SYTL2: variants seen among roughly 807,000 people sequenced by gnomAD.
SYTL2 encodes the protein synaptotagmin like 2.
SYTL2 carries 165 observed loss-of-function variants against 198.7 expected under a neutral mutation model. The ratio of observed to expected loss-of-function variants is 0.83; its 90% CI spans 0.73 to 0.94. The LOEUF is 0.94. SYTL2 is among the 40% of genes least tolerant of loss of function. The pLI is 0.00. For missense variants in SYTL2, 2,835 were observed against 2,582.8 expected, an observed-to-expected ratio of 1.10 and a Z score of -2.12; for synonymous variants, 966 against 917.7, an observed-to-expected ratio of 1.05 and a Z score of -0.95.
intron 7 of SYTL2, among the ~76,000 whole-genome samples, chr11:85,729,062 C>G (rs2089535841): frequency 6.6e-6 from 1 of 152,118 alleles, no homozygotes; most frequent in South Asian, 2.1e-4. Flanking sequence ...TATATGCACC[C>G]AATACAGGAG....
At chr11:85,811,349 C>T (rs2153667421), upstream of SYTL2, among the ~76,000 whole-genome samples, 1 of 152,168 alleles carries the variant, frequency 6.6e-6, no homozygotes, top group South Asian at 2.1e-4. Flanking sequence ...CCGCCTGCTG[C>T]TTCTCTCCGG....
At chr11:85,823,961 G>T in the SYTL2 span, among the ~76,000 whole-genome samples, 1 of 152,206 alleles carries the variant, frequency 6.6e-6, no homozygotes, top group African/African-American at 2.4e-5. Context: ...AACAATTCTG[G>T]GACTTGCAAA....
the SYTL2 span, among the ~76,000 whole-genome samples, chr11:85,850,303 G>A: frequency 6.6e-6 from 1 of 151,670 alleles, no homozygotes; most frequent in Non-Finnish European, 1.5e-5. Context: ...TAATTGCCCT[G>A]GCCAGAACTT....
At chr11:85,720,817 C>T (rs772128115) in intron 9 of SYTL2, 41 bp downstream of exon 9, 1 of 1,434,154 alleles carries the variant, frequency 7.0e-7, no homozygotes, top group Non-Finnish European at 9.8e-7. Flanking sequence ...CATTTTTAAG[C>T]TTAGATGGGG....
At chr11:85,815,488 T>C (rs986289266), upstream of SYTL2, among the ~76,000 whole-genome samples, 1 of 152,244 alleles carries the variant, frequency 6.6e-6, no homozygotes, top group African/African-American at 2.4e-5. Context: ...ACTTTGGCCT[T>C]GAATCAAATT....
intron 1 of SYTL2, among the ~76,000 whole-genome samples, chr11:85,808,062 C>CATG (rs993822552): frequency 6.6e-6 from 1 of 151,426 alleles, no homozygotes; most frequent in Non-Finnish European, 1.5e-5. Context: ...GTATTTATAT[C>CATG]ATTATTATTA....
At position 85,734,080 on chromosome 11, in the gene SYTL2, G is replaced by C; in HGVS notation, c.1249C>G (p.Pro417Ala). ...THQPMTSGSF[P>A]INGLHSHSEV... ...GAATGAGAATGCAGCCCATTAATTG[G>C]AAAAGAACCAGAAGTCATTGGCTGA... The change falls in exon 7 of 20, where the codon CCA becomes GCA. Residue 417 changes from proline (P) to alanine (A), a missense_variant. By Grantham distance (27) the Pro-to-Ala change is conservative. Around this residue, in one of 3 missense-constraint regions of SYTL2, gnomAD observed 2,645 missense variants for 2,381.7 expected, o/e 1.11. Coordinates refer to ENST00000359152, the MANE Select transcript of SYTL2 (RefSeq NM_206927.4). 2 of 1,614,194 alleles carry C rather than the reference G, an allele frequency of 1.2e-6. No individual in the cohort carries two copies. The highest frequency in any genetic ancestry group is 1.7e-6 in the Non-Finnish European group (2 of 1,180,020).
In SYTL2 at chr11:85,763,953, C is replaced by G. The variant is rs538133726; in HGVS notation, c.-389-5839G>C. Reference sequence around the variant, plus strand: ...AATCAGAGACTCTTTGCTCACCTCCCTCTCAGCAGAAAGATTTCCCTCCAG... The same window carrying G: ...AATCAGAGACTCTTTGCTCACCTCCGTCTCAGCAGAAAGATTTCCCTCCAG... On this transcript the variant is annotated intron_variant, in intron 1 of 19. Transcript: ENST00000359152. Among the ~76,000 whole-genome samples the G allele has an allele frequency of 3.3e-5, 5 of 152,346 alleles. No homozygotes were observed. In the East Asian group the frequency reaches 9.6e-4, roughly 29 times the overall value.
At chr11:85,751,095 T>A (rs773170848) in intron 2 of SYTL2, among the ~76,000 whole-genome samples, 26 of 152,206 alleles carry the variant, frequency 1.7e-4, no homozygotes, top group Non-Finnish European at 3.1e-4. Flanking sequence ...CTACAAAGGC[T>A]GATAGCCATT....
rs759238299 is a variant in SYTL2, at chr11:85,734,244, G to C, written c.1085C>G (p.Ser362Cys). The C allele has an allele frequency of 5.6e-6, 9 of 1,614,088 alleles. No individual in the cohort carries two copies. Among genetic ancestry groups the C allele is most frequent in the Non-Finnish European group, 7.6e-6 (9 of 1,180,032 alleles). ...REVGEFSVLE[S>C]DRLKNGMEDA... ...TTCCATTCCATTTTTCAATCTGTCA[G>C]ATTCTAAAACACTAAATTCTCCTAC... Residue 362 changes from serine to cysteine, a missense_variant, in exon 7 of 20, where the codon TCT (serine) becomes TGT (cysteine). Ser to Cys is a moderately radical substitution (Grantham distance 112). This residue lies in a region of SYTL2 where 2,645 missense variants were observed against 2,381.7 expected (regional missense o/e 1.11). Coordinates refer to ENST00000359152, the MANE Select transcript of SYTL2 (RefSeq NM_206927.4).
At chr11:85,760,988 T>C (rs1191091893) in intron 1 of SYTL2, among the ~76,000 whole-genome samples, 1 of 152,110 alleles carries the variant, frequency 6.6e-6, no homozygotes, top group Non-Finnish European at 1.5e-5. Context: ...CTCCTAATAT[T>C]CTGGATGATG....
At chr11:85,818,606 C>T in the SYTL2 span, among the ~76,000 whole-genome samples, 17 of 152,010 alleles carry the variant, frequency 1.1e-4, no homozygotes, top group African/African-American at 3.9e-4. Flanking sequence ...AAAAAAATAT[C>T]CACTTGCCTA....
intron 1 of SYTL2, among the ~76,000 whole-genome samples, chr11:85,786,247 T>TG (rs2092633809): frequency 6.6e-6 from 1 of 152,086 alleles, no homozygotes; most frequent in African/African-American, 2.4e-5. Context: ...GGGTTAGGGA[T>TG]GGGGGCTGTG....
upstream of SYTL2, among the ~76,000 whole-genome samples, chr11:85,813,075 T>C (rs2153668541): frequency 6.6e-6 from 1 of 152,198 alleles, no homozygotes; most frequent in South Asian, 2.1e-4. Context: ...TGGAAACAAA[T>C]AGCAATGCCT....
chr11:85,791,140 C>T (rs1489350975), intron 1 of SYTL2, among the ~76,000 whole-genome samples: 1 of 114,344 alleles, frequency 8.7e-6, no homozygotes, highest in African/African-American at 3.2e-5. Flanking sequence ...GCACTCCAGC[C>T]TGGGCAGCAG....
intron 7 of SYTL2, among the ~76,000 whole-genome samples, chr11:85,729,160 T>G (rs2089549003): frequency 6.6e-6 from 1 of 152,200 alleles, no homozygotes; most frequent in South Asian, 2.1e-4. Flanking sequence ...AACACCCCAC[T>G]GTCAATATTA....
rs139794100 is a variant in SYTL2 at position 85,724,546 on chromosome 11, G to A, written c.4812C>T (p.Phe1604=). The stretch of plus-strand genomic sequence containing the variant: ...TGTAAAAATGGGGCACTGTCCCCAA[G>A]AACCTGGTCTGCTCTGACTGTGAGG... ...KESSQSEQTR[F]LGTVPHFYRA... is the part of the protein sequence containing the mutation. Residue 1604 remains phenylalanine (F), a synonymous_variant, in exon 8 of 20, where the codon TTC becomes TTT. Transcript: ENST00000359152. 2.6e-5 allele frequency: 42 copies of A among 1,613,912 alleles called. No individual in the cohort carries two copies. Among genetic ancestry groups the A allele is most frequent in the Non-Finnish European group, 3.5e-5 (41 of 1,180,014 alleles).
In SYTL2 at chr11:85,734,322, G is replaced by C. The variant is rs74718633; in HGVS notation, c.1007C>G (p.Ser336Cys). ...SLEPLKHVRF[S>C]AVKDELPQSP... ...CTGTGGAAGCTCATCCTTCACTGCA[G>C]AGAATCTCACATGCTTTAATGGCTC... The change falls in exon 7 of 20, where the codon TCT becomes TGT. Residue 336 changes from serine to cysteine, a missense_variant. This residue lies in a region of SYTL2 where 2,645 missense variants were observed against 2,381.7 expected (regional missense o/e 1.11). Coordinates refer to ENST00000359152, the MANE Select transcript of SYTL2 (RefSeq NM_206927.4). 17,073 of 1,614,212 alleles carry C rather than the reference G, an allele frequency of 0.011. 153 individuals carry two copies. The highest frequency in any genetic ancestry group is 0.013 in the Non-Finnish European group (15,582 of 1,180,018).
At chr11:85,713,705 T>C (rs560520579) in intron 12 of SYTL2, among the ~76,000 whole-genome samples, 13 of 152,220 alleles carry the variant, frequency 8.5e-5, no homozygotes, top group Non-Finnish European at 1.9e-4. Context: ...ATATAGTTAG[T>C]AAGAGTGAGA....
Sources: allele counts gnomAD v4.1 joint callset (sites outside exome capture counted in the v4.1 genomes callset), GRCh38; gene constraint gnomAD v4.1.1; regional missense constraint gnomAD v4.1.1; transcripts MANE v1.5; gene names NCBI Gene and HGNC (gene_info 2026-07-23, HGNC 2026-07-21).